The following TSPAN2 variants were observed in gnomAD, a reference collection of about 807,000 sequenced individuals.
TSPAN2 encodes tetraspanin-2.
In TSPAN2, 24 loss-of-function variants were observed where a neutral mutation model predicts 33.3. That is an observed-to-expected ratio of 0.72 (90% CI 0.52 to 1.01). The LOEUF (loss-of-function observed/expected upper bound fraction) is 1.01. Among genes scored for constraint, TSPAN2 ranks in the 50% least tolerant of loss-of-function variants. The probability of loss-of-function intolerance (pLI) is 0.00; values close to 1 mark genes in which losing one functional copy is unlikely to be tolerated. For synonymous variants in TSPAN2, 114 were observed against 104.5 expected (o/e 1.09, Z -0.56); for missense variants, 278 against 281.3 (o/e 0.99, Z 0.08).
rs890475118 is a variant in TSPAN2 at position 115,089,412 on chromosome 1, G to T, written c.21C>A (p.Gly7=). ...GCAGCAGGTACTTGATGCACCGCAG[G>T]CCCCCGCGGAAGCGCCCCATGCTGC... MGRFRG[G]LRCIKYLLLG... The change falls in exon 1 of 8, where the codon GGC becomes GGA. Residue 7 remains glycine (G), a synonymous_variant. Transcript: ENST00000369516. 3 of 1,587,612 alleles carry T rather than the reference G, an allele frequency of 1.9e-6. No individual in the cohort carries two copies. Among genetic ancestry groups the T allele is most frequent in the African/African-American group, 1.4e-5 (1 of 73,310 alleles).
At chr1:115,053,678 G>A (rs1052881315) in intron 6 of TSPAN2, among the ~76,000 whole-genome samples, 1 of 152,198 alleles carries the variant, frequency 6.6e-6, no homozygotes, top group African/African-American at 2.4e-5. Flanking sequence ...TCCTTTGGGT[G>A]AGATTTTCAT....
At chr1:115,082,001 G>A (rs1208857092) in intron 1 of TSPAN2, among the ~76,000 whole-genome samples, 2 of 152,100 alleles carry the variant, frequency 1.3e-5, no homozygotes, top group African/African-American at 4.8e-5. Flanking sequence ...CCCCATAAGA[G>A]AAAAATATGA....
chr1:115,079,738 G>C (rs1648554106), intron 1 of TSPAN2, among the ~76,000 whole-genome samples: 1 of 152,208 alleles, frequency 6.6e-6, no homozygotes, highest in Admixed American at 6.5e-5. Context: ...CGATGAGAAG[G>C]CTGTGTTAGT....
intron 1 of TSPAN2, 76 bp downstream of exon 1, chr1:115,089,288 G>T: frequency 7.4e-7 from 1 of 1,344,520 alleles, no homozygotes; most frequent in Non-Finnish European, 1.0e-6. Flanking sequence ...GCCGCAGTCA[G>T]CAGCTCGGGG....
At chr1:115,062,549 G>A (rs964742489) in intron 2 of TSPAN2, among the ~76,000 whole-genome samples, 1 of 152,192 alleles carries the variant, frequency 6.6e-6, no homozygotes, top group African/African-American at 2.4e-5. Flanking sequence ...TTACTGCTTA[G>A]GCAAGCCCCA....
chr1:115,072,366 C>T (rs1486123793), intron 2 of TSPAN2, among the ~76,000 whole-genome samples: 2 of 152,148 alleles, frequency 1.3e-5, no homozygotes, highest in Non-Finnish European at 2.9e-5. Flanking sequence ...CTCCACTCTG[C>T]AGTCCCTAGT....
At chr1:115,074,514 C>T (rs7526694) in intron 1 of TSPAN2, among the ~76,000 whole-genome samples, 57,223 of 151,580 alleles carry the variant, frequency 0.38, 11,092 homozygotes, top group South Asian at 0.56. Context: ...ATGTGAGGGG[C>T]AGCTAAAGGA....
At chr1:115,065,657 T>C (rs1242733514) in intron 2 of TSPAN2, among the ~76,000 whole-genome samples, 2 of 152,148 alleles carry the variant, frequency 1.3e-5, no homozygotes, top group Non-Finnish European at 2.9e-5. Flanking sequence ...ATTTTGGGGG[T>C]ACATATGCTA....
intron 1 of TSPAN2, among the ~76,000 whole-genome samples, chr1:115,077,849 T>G (rs1276277155): frequency 6.6e-6 from 1 of 152,232 alleles, no homozygotes; most frequent in Non-Finnish European, 1.5e-5. Flanking sequence ...GATGCAAGAA[T>G]GCAGAGATCA....
At chr1:115,052,734 T>C (rs1647226705) in intron 7 of TSPAN2, among the ~76,000 whole-genome samples, 1 of 152,222 alleles carries the variant, frequency 6.6e-6, no homozygotes, top group Admixed American at 6.5e-5. Context: ...TGCCATTGCC[T>C]TTGCCTGGTA....
At chr1:115,079,916 G>A (rs1278373084) in intron 1 of TSPAN2, among the ~76,000 whole-genome samples, 1 of 152,198 alleles carries the variant, frequency 6.6e-6, no homozygotes, top group Admixed American at 6.5e-5. Context: ...GAAGGGTGGT[G>A]CAATTCAGGC....
intron 2 of TSPAN2, among the ~76,000 whole-genome samples, chr1:115,064,085 C>CA (rs1262701831): frequency 4.6e-5 from 7 of 152,108 alleles, no homozygotes; most frequent in Admixed American, 4.6e-4. Context: ...CACTGTGTTG[C>CA]AATGTTTTCA....
rs950480559 is a variant in TSPAN2 at position 115,049,824 on chromosome 1, A to C, written c.*666T>G. On this transcript the variant is annotated 3_prime_UTR_variant, in exon 8 of 8. Coordinates refer to ENST00000369516, the MANE Select transcript of TSPAN2 (RefSeq NM_005725.6). The stretch of plus-strand genomic sequence containing the variant: ...TCTGTGTGACTTCTCTTTCCAGAGG[A>C]AGACTTTTTTATTTTTAAATTCTAG... The C allele has an allele frequency of 6.6e-6, 1 of 152,614 alleles. No individual in the cohort carries two copies. Among genetic ancestry groups the C allele is most frequent in the African/African-American group, 2.4e-5 (1 of 41,438 alleles). 9.5% of individuals were successfully genotyped at this position (152,614 alleles called of 1,614,324 possible). A position where few individuals can be genotyped will look rare whatever the true frequency, so the allele number is the denominator to read the frequency against.
Position 115,050,544 on chromosome 1 carries a change from C to T in TSPAN2, c.612G>A (p.Met204Ile). The T allele has an allele frequency of 6.2e-7, 1 of 1,613,926 alleles. No homozygotes were observed. The highest frequency in any genetic ancestry group is 1.1e-5 in the South Asian group (1 of 91,054). ...CACAGCAGAGGACCATGCTGAATATCATGCCAAAGATCTGAAACAGAAGAA... is the reference window on the plus strand; with the variant it reads ...CACAGCAGAGGACCATGCTGAATATTATGCCAAAGATCTGAAACAGAAGAA... ...IGIAGLTIFG[M>I]IFSMVLCCAI... Residue 204 changes from methionine to isoleucine, a missense_variant, in exon 8 of 8, where the codon ATG (methionine) becomes ATA (isoleucine). Physicochemically the swap from Met to Ile is conservative, Grantham distance 10 (BLOSUM62 1). Coordinates refer to ENST00000369516, the MANE Select transcript of TSPAN2 (RefSeq NM_005725.6).
chr1:115,082,527 T>C (rs1648665854), intron 1 of TSPAN2, among the ~76,000 whole-genome samples: 1 of 152,248 alleles, frequency 6.6e-6, no homozygotes, highest in South Asian at 2.1e-4. Flanking sequence ...TACATTTATA[T>C]AGTGCTTACT....
chr1:115,077,810 G>T (rs1046172609), intron 1 of TSPAN2, among the ~76,000 whole-genome samples: 1 of 152,188 alleles, frequency 6.6e-6, no homozygotes, highest in South Asian at 2.1e-4. Context: ...CCCTAGGCAG[G>T]CGCTGCGGTT....
intron 1 of TSPAN2, among the ~76,000 whole-genome samples, chr1:115,075,890 C>T (rs1389897655): frequency 6.6e-6 from 1 of 152,074 alleles, no homozygotes; most frequent in East Asian, 1.9e-4. Context: ...CTTCTGCCCC[C>T]AGCCACATCT....
At chr1:115,079,965 G>T (rs1217464092) in intron 1 of TSPAN2, among the ~76,000 whole-genome samples, 3 of 152,210 alleles carry the variant, frequency 2.0e-5, no homozygotes, top group African/African-American at 7.2e-5. Flanking sequence ...TCTCTGCAAA[G>T]AACACTGGGC....
chr1:115,083,075 T>G (rs10858064), intron 1 of TSPAN2, among the ~76,000 whole-genome samples: 93,158 of 152,098 alleles, frequency 0.61, 29,361 homozygotes, highest in Non-Finnish European at 0.7. Context: ...GTAACCCGAG[T>G]TAATTCATCT....
Sources: gnomAD v4.1 joint callset for allele counts (sites outside exome capture counted in the v4.1 genomes callset) on GRCh38, gnomAD v4.1.1 for gene constraint, MANE v1.5 for transcripts, NCBI Gene and HGNC (gene_info 2026-07-23, HGNC 2026-07-21) for gene names.